KCNJ16: variants seen among roughly 807,000 people sequenced by gnomAD.
The protein encoded by KCNJ16 is inward rectifier potassium channel 16.
A neutral mutation model predicts 18.5 loss-of-function variants in KCNJ16; 15 were observed. The observed-to-expected ratio is 0.81, with a 90% CI of 0.54 to 1.25. The LOEUF (loss-of-function observed/expected upper bound fraction) is 1.25. KCNJ16 is among the 50% of genes most tolerant of loss of function. The probability of loss-of-function intolerance (pLI) is 0.00; values close to 1 mark genes in which losing one functional copy is unlikely to be tolerated. For synonymous variants in KCNJ16, 174 were observed against 186.5 expected (o/e 0.93, Z 0.55); for missense variants, 523 against 525.7 (o/e 0.99, Z 0.05).
At chr17:70,122,679 C>T (rs1013405594) in intron 2 of KCNJ16, among the ~76,000 whole-genome samples, 1 of 152,128 alleles carries the variant, frequency 6.6e-6, no homozygotes, top group Non-Finnish European at 1.5e-5. Context: ...AATAACAATC[C>T]TGTCTCAGAG....
chr17:70,102,214 A>ATTTTTT (rs2072664930), intron 2 of KCNJ16: 1 of 58,148 alleles, frequency 1.7e-5, no homozygotes, highest in African/African-American at 6.2e-5. Flanking sequence ...CACCAAAAGT[A>ATTTTTT]CTTTTTTTTT....
chr17:70,113,011 TC>T (rs912742601), intron 2 of KCNJ16, among the ~76,000 whole-genome samples: 1 of 152,228 alleles, frequency 6.6e-6, no homozygotes, highest in African/African-American at 2.4e-5. Context: ...CAGAATGTTT[TC>T]CTTGGTTACA....
intron 2 of KCNJ16, among the ~76,000 whole-genome samples, chr17:70,102,812 T>C (rs1364849284): frequency 6.6e-6 from 1 of 152,120 alleles, no homozygotes. Flanking sequence ...TCTCCAAAAC[T>C]CTGTTGTGAC....
At position 70,133,008 on chromosome 17, in the gene KCNJ16, C is replaced by T. The variant is rs780987537; in HGVS notation, c.921C>T (p.Gly307=). The part of the protein sequence containing the change: ...SSYVPREILW[G]HRFNDVLEVK... ...ATGTTCCCCGAGAAATTCTCTGGGGCCATAGGTTTAATGATGTCTTGGAAG... is the reference window on the plus strand; with the variant it reads ...ATGTTCCCCGAGAAATTCTCTGGGGTCATAGGTTTAATGATGTCTTGGAAG... The change falls in exon 4 of 4, where the codon GGC becomes GGT. Residue 307 remains glycine, a synonymous_variant. Coordinates refer to ENST00000392671, the MANE Select transcript of KCNJ16 (RefSeq NM_170741.4). The T allele has an allele frequency of 6.2e-7, 1 of 1,613,900 alleles. No homozygotes were observed. Among genetic ancestry groups the T allele is most frequent in the Non-Finnish European group, 8.5e-7 (1 of 1,179,888 alleles).
chr17:70,088,021 C>CTAAAA (rs2071903150), intron 1 of KCNJ16, among the ~76,000 whole-genome samples: 1 of 79,456 alleles, frequency 1.3e-5, no homozygotes, highest in Non-Finnish European at 2.2e-5. Context: ...GACTCTGTCT[C>CTAAAA]AAAAAAAAAA....
chr17:70,111,444 G>A (rs560819323), intron 2 of KCNJ16, among the ~76,000 whole-genome samples: 4 of 152,142 alleles, frequency 2.6e-5, no homozygotes, highest in Non-Finnish European at 4.4e-5. Flanking sequence ...TCTGCGGGCT[G>A]GACCTTCAAA....
chr17:70,092,562 T>TAG (rs2072160826), intron 1 of KCNJ16, among the ~76,000 whole-genome samples: 1 of 49,826 alleles, frequency 2.0e-5, no homozygotes, highest in South Asian at 5.4e-4. Flanking sequence ...AGATAGATGA[T>TAG]AGATATAGAT....
rs1206497145 is a variant in KCNJ16, at chr17:70,100,710, T to G, written c.-247T>G. On this transcript the variant is annotated 5_prime_UTR_variant, in exon 2 of 4. Coordinates refer to ENST00000392671, the MANE Select transcript of KCNJ16 (RefSeq NM_170741.4). ...AAATAGTGAGACACAGGATTCTAAC[T>G]GGCAGACTGGCACTTTATCTCAATT... 6.6e-6 allele frequency: 1 copy of G among 152,218 alleles called. No individual in the cohort carries two copies. The highest frequency in any genetic ancestry group is 1.5e-5 in the Non-Finnish European group (1 of 68,034). 9.4% of individuals were successfully genotyped at this position (152,218 alleles called of 1,614,324 possible). A position where few individuals can be genotyped will look rare whatever the true frequency, so the allele number is the denominator to read the frequency against.
In KCNJ16 at chr17:70,134,597, A is replaced by G. The variant is rs2074167802; in HGVS notation, c.*1253A>G. On this transcript the variant is annotated 3_prime_UTR_variant, in exon 4 of 4. Transcript: ENST00000392671. ...TTAAAATGTTAATCATGATTACTTT[A>G]AGCCCACATCCACTGAGTAAAGAGT... is the stretch of plus-strand genomic sequence containing the variant. 6.0e-6 allele frequency: 1 copy of G among 167,082 alleles called. No individual in the cohort carries two copies. Among genetic ancestry groups the G allele is most frequent in the African/African-American group, 2.4e-5 (1 of 41,474 alleles). 10.3% of individuals were successfully genotyped at this position (167,082 alleles called of 1,614,324 possible). A position where few individuals can be genotyped will look rare whatever the true frequency, so the allele number is the denominator to read the frequency against.
intron 2 of KCNJ16, among the ~76,000 whole-genome samples, chr17:70,106,555 C>A (rs1176237311): frequency 2.0e-5 from 3 of 152,122 alleles, no homozygotes; most frequent in African/African-American, 7.2e-5. Context: ...ATGTTTTGCT[C>A]TCAAGTTAAG....
In KCNJ16 at chr17:70,103,321, T is replaced by TATATAC. The variant is rs1355893521; in HGVS notation, c.-191+2556_-191+2557insTATACA. 9.3e-3 allele frequency among the ~76,000 whole-genome samples: 412 copies of TATATAC among 44,464 alleles called. 3 individuals are homozygous for TATATAC. Among genetic ancestry groups the TATATAC allele is most frequent in the African/African-American group, 0.027 (393 of 14,418 alleles). The allele number at this position is 44,464 out of a possible 152,430, so 29.2% of individuals were successfully genotyped here. On this transcript the variant is annotated intron_variant, in intron 2 of 3. Coordinates refer to ENST00000392671, the MANE Select transcript of KCNJ16 (RefSeq NM_170741.4). ...GTATATATATATATATATATATATA[T>TATATAC]ACACACACATATATATATATTTTTT...
chr17:70,095,703 T>C (rs1468308839), intron 1 of KCNJ16, among the ~76,000 whole-genome samples: 1 of 152,012 alleles, frequency 6.6e-6, no homozygotes. Flanking sequence ...CTATACAGAA[T>C]CTTTTAAATG....
At chr17:70,112,880 G>T (rs1002690632) in intron 2 of KCNJ16, among the ~76,000 whole-genome samples, 2 of 152,140 alleles carry the variant, frequency 1.3e-5, no homozygotes, top group Non-Finnish European at 2.9e-5. Context: ...TGTTCTGGAT[G>T]CAGGAAACCT....
intron 1 of KCNJ16, among the ~76,000 whole-genome samples, chr17:70,100,241 AT>A: frequency 1.3e-5 from 2 of 152,296 alleles, no homozygotes; most frequent in South Asian, 4.1e-4. Context: ...AATTGTATTC[AT>A]TTCCTAATGC....
chr17:70,094,627 A>AATG (rs71149817), intron 1 of KCNJ16, among the ~76,000 whole-genome samples: 128,880 of 151,912 alleles, frequency 0.85, 54,739 homozygotes, highest in East Asian at 0.96. Context: ...AGGTGGGGGG[A>AATG]ATAACATATA....
At chr17:70,103,414 G>A (rs553025142) in intron 2 of KCNJ16, among the ~76,000 whole-genome samples, 19 of 149,956 alleles carry the variant, frequency 1.3e-4, no homozygotes, top group South Asian at 6.3e-4. Context: ...CAATCCTCTC[G>A]CCTTAGTCTC....
At chr17:70,079,856 C>T (rs2071479207) in intron 1 of KCNJ16, among the ~76,000 whole-genome samples, 2 of 152,214 alleles carry the variant, frequency 1.3e-5, no homozygotes, top group African/African-American at 4.8e-5. Flanking sequence ...GCACCCACCA[C>T]CATGCCTGGC....
At chr17:70,094,858 C>A (rs2072281663) in intron 1 of KCNJ16, among the ~76,000 whole-genome samples, 1 of 152,162 alleles carries the variant, frequency 6.6e-6, no homozygotes, top group Non-Finnish European at 1.5e-5. Flanking sequence ...AACTCTTGCT[C>A]TCCAAATCCT....
intron 2 of KCNJ16, among the ~76,000 whole-genome samples, chr17:70,127,901 C>A (rs2073909565): frequency 6.6e-6 from 1 of 152,116 alleles, no homozygotes; most frequent in African/African-American, 2.4e-5. Flanking sequence ...AATTTTAGAC[C>A]TTTTTTGTGG....
Sources: allele counts gnomAD v4.1 joint callset (sites outside exome capture counted in the v4.1 genomes callset), GRCh38; gene constraint gnomAD v4.1.1; transcripts MANE v1.5; gene names NCBI Gene and HGNC (gene_info 2026-07-23, HGNC 2026-07-21).